Variants in AEBP2 observed in about 807,000 individuals in gnomAD.
AEBP2 encodes zinc finger protein AEBP2.
A neutral mutation model predicts 50.8 loss-of-function variants in AEBP2; 10 were observed. That is an observed-to-expected ratio of 0.20 (90% CI 0.12 to 0.33). AEBP2 has a LOEUF of 0.33. Among genes scored for constraint, AEBP2 ranks in the 10% least tolerant of loss-of-function variants. AEBP2 has a pLI of 1.00. For synonymous variants in AEBP2, 296 were observed against 261.3 expected, an observed-to-expected ratio of 1.13 and a Z score of -1.28; for missense variants, 570 against 688.0, an observed-to-expected ratio of 0.83 and a Z score of 1.92.
At position 19,439,912 on chromosome 12, in the gene AEBP2, C is replaced by T. The variant is rs1468857109; in HGVS notation, c.213C>T (p.Gly71=). 5 of 1,488,116 alleles carry T rather than the reference C, an allele frequency of 3.4e-6. No individual in the cohort carries two copies. The African/African-American group carries it at 4.4e-5, about 13-fold the overall frequency. The allele number at this position is 1,488,116 out of a possible 1,614,324, so 92.2% of individuals were successfully genotyped here. The part of the protein sequence containing the change: ...GGSGGGGGGG[G]GGVGGGEAET... ...GCGGTGGGGGCGGCGGAGGCGGCGG[C>T]GGAGGAGTGGGGGGCGGCGAGGCAG... is the stretch of plus-strand genomic sequence containing the variant. The change falls in exon 1 of 8, where the codon GGC becomes GGT. Residue 71 remains glycine (G), a synonymous_variant. Transcript: ENST00000266508.
chr12:19,513,379 A>G (rs1046037239), intron 6 of AEBP2, among the ~76,000 whole-genome samples: 4 of 152,162 alleles, frequency 2.6e-5, no homozygotes, highest in East Asian at 1.9e-4. Context: ...AGGGTATATT[A>G]TAGACATATT....
At chr12:19,496,086 G>A (rs371933175) in intron 4 of AEBP2, among the ~76,000 whole-genome samples, 2 of 152,196 alleles carry the variant, frequency 1.3e-5, no homozygotes, top group East Asian at 1.9e-4. Context: ...TTTAGTCTCA[G>A]TGTATACAGT....
chr12:19,439,392 G>A (rs984053562), upstream of AEBP2, among the ~76,000 whole-genome samples: 16 of 144,778 alleles, frequency 1.1e-4, no homozygotes, highest in Non-Finnish European at 2.1e-4. Context: ...CGGGGGCGGG[G>A]GCGGGCACTG....
chr12:19,444,715 T>C (rs1948028047), intron 1 of AEBP2, among the ~76,000 whole-genome samples: 1 of 152,266 alleles, frequency 6.6e-6, no homozygotes, highest in Admixed American at 6.5e-5. Flanking sequence ...TTTGGAGGAA[T>C]CCATCCACGT....
intron 5 of AEBP2, among the ~76,000 whole-genome samples, chr12:19,511,798 G>GTTT (rs1048400127): frequency 6.9e-6 from 1 of 145,812 alleles, no homozygotes; most frequent in Non-Finnish European, 1.5e-5. Context: ...CTGAATCTAG[G>GTTT]TTTTTTTTTT....
intron 1 of AEBP2, among the ~76,000 whole-genome samples, chr12:19,429,907 T>G (rs935673165): frequency 8.5e-5 from 13 of 152,316 alleles, no homozygotes; most frequent in African/African-American, 2.6e-4. Flanking sequence ...ATTGCAAAAT[T>G]TTCTCCCATT....
At chr12:19,497,326 GTGTT>G (rs1342534665) in intron 4 of AEBP2, among the ~76,000 whole-genome samples, 602 of 60,158 alleles carry the variant, frequency 0.01, 2 homozygotes, top group Non-Finnish European at 0.014. Flanking sequence ...GTTTCCAAAG[GTGTT>G]TTTTTTTTTT....
intron 3 of AEBP2, among the ~76,000 whole-genome samples, chr12:19,493,339 T>TG (rs751454840): frequency 8.5e-5 from 13 of 152,166 alleles, no homozygotes; most frequent in Non-Finnish European, 1.8e-4. Context: ...AGGCAGAGGT[T>TG]GCAGTGAGCG....
chr12:19,452,504 C>CTTTTTTT (rs753170316), intron 1 of AEBP2, among the ~76,000 whole-genome samples: 8 of 147,604 alleles, frequency 5.4e-5, no homozygotes, highest in Non-Finnish European at 1.1e-4. Context: ...TTTTCTTTTT[C>CTTTTTTT]TTTTTTTTTT....
intron 1 of AEBP2, among the ~76,000 whole-genome samples, chr12:19,415,363 A>ATAT (rs1002661109): frequency 1.5e-5 from 2 of 131,684 alleles, no homozygotes; most frequent in Admixed American, 1.6e-4. Context: ...ATATATATAT[A>ATAT]TATATATATA....
chr12:19,444,049 A>G (rs1948013831), intron 1 of AEBP2, among the ~76,000 whole-genome samples: 1 of 152,210 alleles, frequency 6.6e-6, no homozygotes, highest in African/African-American at 2.4e-5. Context: ...AACCGCTAAA[A>G]ACTAGCTTTT....
Position 19,479,717 on chromosome 12 carries a change from G to GTTTTTTTTTTTTTTTTTTTTTTTTTTTT in AEBP2, c.987+6366_987+6393dup, listed in dbSNP as rs369410408. On this transcript the variant is annotated intron_variant, in intron 3 of 7. Coordinates refer to ENST00000266508, the MANE Select transcript of AEBP2 (RefSeq NM_153207.5). ...ATTATTTAATGTCACCTCTTTGTGG[G>GTTTTTTTTTTTTTTTTTTTTTTTTTTTT]TTTTTTTTTTTTTTTTTTTTTTTTT... Among the ~76,000 whole-genome samples the GTTTTTTTTTTTTTTTTTTTTTTTTTTTT allele has an allele frequency of 3.6e-4, 8 of 22,314 alleles. 3 individuals are homozygous for GTTTTTTTTTTTTTTTTTTTTTTTTTTTT. Among genetic ancestry groups the GTTTTTTTTTTTTTTTTTTTTTTTTTTTT allele is most frequent in the Non-Finnish European group, 5.4e-4 (6 of 11,052 alleles). The allele number at this position is 22,314 out of a possible 152,430, so 14.6% of individuals were successfully genotyped here. A position where few individuals can be genotyped will look rare whatever the true frequency, so the allele number is the denominator to read the frequency against.
chr12:19,473,612 G>A (rs371538633), intron 3 of AEBP2, among the ~76,000 whole-genome samples: 4 of 152,024 alleles, frequency 2.6e-5, no homozygotes, highest in Admixed American at 2.0e-4. Flanking sequence ...CACCATGTTG[G>A]CCAGGATGGT....
At position 19,518,186 on chromosome 12, in the gene AEBP2, T is replaced by C; in HGVS notation, c.*69T>C. The C allele has an allele frequency of 6.8e-7, 1 of 1,472,572 alleles. No homozygotes were observed. The highest frequency in any genetic ancestry group is 9.0e-7 in the Non-Finnish European group (1 of 1,115,234). The allele number at this position is 1,472,572 out of a possible 1,614,324, so 91.2% of individuals were successfully genotyped here. ...CAGTCTTAGTCACTGACAATGGGTT[T>C]AGGGAAAGTTGCACATTAGAGTCAA... On this transcript the variant is annotated 3_prime_UTR_variant, in exon 8 of 8. Transcript: ENST00000266508.
intron 1 of AEBP2, among the ~76,000 whole-genome samples, chr12:19,427,291 C>T (rs1043668468): frequency 4.0e-5 from 6 of 149,126 alleles, no homozygotes; most frequent in African/African-American, 1.5e-4. Context: ...GCAGGAGAAT[C>T]GCTTCTTGAA....
At chr12:19,474,762 G>A (rs1592749136) in intron 3 of AEBP2, among the ~76,000 whole-genome samples, 1 of 149,394 alleles carries the variant, frequency 6.7e-6, no homozygotes, top group Non-Finnish European at 1.5e-5. Flanking sequence ...ATTGTATATG[G>A]GTACCTTGCT....
At chr12:19,510,772 A>G (rs1261665807) in intron 5 of AEBP2, among the ~76,000 whole-genome samples, 1 of 152,020 alleles carries the variant, frequency 6.6e-6, no homozygotes, top group Non-Finnish European at 1.5e-5. Context: ...AGACAATTGA[A>G]AAGCTATTAG....
At chr12:19,440,639 C>A in intron 1 of AEBP2, 1 of 1,523,428 alleles carries the variant, frequency 6.6e-7, no homozygotes, top group South Asian at 1.2e-5. Flanking sequence ...GACCTCAGGA[C>A]GGCTCTAACT....
At chr12:19,433,304 C>T (rs991512401) in intron 1 of AEBP2, among the ~76,000 whole-genome samples, 12 of 152,120 alleles carry the variant, frequency 7.9e-5, no homozygotes, top group Non-Finnish European at 1.8e-4. Flanking sequence ...AGGACAATTG[C>T]TTGAACCCAG....
Sources: allele counts gnomAD v4.1 joint callset (sites outside exome capture counted in the v4.1 genomes callset), GRCh38; gene constraint gnomAD v4.1.1; transcripts MANE v1.5; gene names NCBI Gene and HGNC (gene_info 2026-07-23, HGNC 2026-07-21).